MYOM2: variants seen among roughly 807,000 people sequenced by gnomAD.
The protein encoded by MYOM2 is myomesin 2.
In MYOM2, 254 loss-of-function variants were observed where a neutral mutation model predicts 187.6. That is an observed-to-expected ratio of 1.35 (90% CI 1.22 to 1.50). The LOEUF (loss-of-function observed/expected upper bound fraction) is 1.50, where lower values mean the gene tolerates loss of function less well. MYOM2 is among the 40% of genes most tolerant of loss of function. The pLI, the probability that MYOM2 is intolerant of heterozygous loss-of-function variation, is 0.00. For synonymous variants in MYOM2, 981 were observed against 753.8 expected (o/e 1.30, Z -4.94); for missense variants, 2,796 against 1,924.0 (o/e 1.45, Z -8.48).
chr8:2,120,017 G>A (rs1489690239), intron 28 of MYOM2, among the ~76,000 whole-genome samples: 1 of 152,330 alleles, frequency 6.6e-6, no homozygotes, highest in Admixed American at 6.5e-5. Context: ...GGGAGTGGCA[G>A]GAGTGGGCTG....
chr8:2,124,316 T>C, intron 31 of MYOM2, 99 bp downstream of exon 31: 2 of 1,208,404 alleles, frequency 1.7e-6, no homozygotes, highest in South Asian at 2.6e-5. Flanking sequence ...ACCATGGAGC[T>C]GTGGTGCGTG....
At chr8:2,092,653 C>G (rs1563049379) in intron 16 of MYOM2, 133 bp downstream of exon 16, 2 of 884,708 alleles carry the variant, frequency 2.3e-6, no homozygotes, top group Non-Finnish European at 3.3e-6. Context: ...TAGCCACACA[C>G]AAGGGCTGTA....
At chr8:2,128,349 C>G (rs1797728316) in intron 31 of MYOM2, among the ~76,000 whole-genome samples, 2 of 152,240 alleles carry the variant, frequency 1.3e-5, no homozygotes, top group African/African-American at 4.8e-5. Flanking sequence ...CTTTGTTACA[C>G]TATCCTCCAC....
chr8:2,081,492 G>A (rs1480123002), intron 13 of MYOM2, among the ~76,000 whole-genome samples: 1 of 152,244 alleles, frequency 6.6e-6, no homozygotes, highest in Admixed American at 6.5e-5. Context: ...ACAGATCAGG[G>A]AGGAGGTGGG....
At chr8:2,104,598 C>G (rs1337967622) in intron 21 of MYOM2, among the ~76,000 whole-genome samples, 4 of 150,702 alleles carry the variant, frequency 2.7e-5, no homozygotes, top group Admixed American at 6.6e-5. Context: ...GAGCAAGACT[C>G]CATTTAAAAA....
chr8:2,046,163 G>A (rs1460893406), intron 1 of MYOM2, among the ~76,000 whole-genome samples: 1 of 152,184 alleles, frequency 6.6e-6, no homozygotes, highest in East Asian at 1.9e-4. Context: ...ATTTTTAACT[G>A]TACAAACAAT....
rs1818620947 is a variant in MYOM2, at chr8:2,055,131, T to TACCTGGATACTGGGG, written c.264-2216_264-2215insCCTGGATACTGGGGA. On this transcript the variant is annotated intron_variant, in intron 3 of 36. Transcript: ENST00000262113. The stretch of plus-strand genomic sequence containing the variant: ...GTAACCAAGTACCTGGATACTGGGG[T>TACCTGGATACTGGGG]AACCAAGTACCTGGATACTGGGGGA... Among the ~76,000 whole-genome samples the TACCTGGATACTGGGG allele has an allele frequency of 9.0e-5, 2 of 22,204 alleles. 1 individual carries two copies. Among genetic ancestry groups the TACCTGGATACTGGGG allele is most frequent in the Admixed American group, 1.3e-3 (2 of 1,594 alleles). The allele number at this position is 22,204 out of a possible 152,430, so 14.6% of individuals were successfully genotyped here. A position where few individuals can be genotyped will look rare whatever the true frequency, so the allele number is the denominator to read the frequency against.
At chr8:2,066,794 T>TA (rs1179712347) in intron 6 of MYOM2, among the ~76,000 whole-genome samples, 1 of 152,222 alleles carries the variant, frequency 6.6e-6, no homozygotes, top group Non-Finnish European at 1.5e-5. Context: ...ATGGGGTTTT[T>TA]ATGTGTTTTA....
chr8:2,114,101 C>T (rs1418814595), intron 25 of MYOM2, among the ~76,000 whole-genome samples: 1 of 152,184 alleles, frequency 6.6e-6, no homozygotes, highest in South Asian at 2.1e-4. Context: ...CCCTTGGAGC[C>T]AGTCACAAGG....
chr8:2,144,327 AGC>A, intron 36 of MYOM2, among the ~76,000 whole-genome samples: 1 of 152,384 alleles, frequency 6.6e-6, no homozygotes, highest in South Asian at 2.1e-4. Flanking sequence ...GAAATTTGGG[AGC>A]AGACTGGATA....
intron 36 of MYOM2, 102 bp from the exon 37 acceptor site, chr8:2,144,562 A>G: frequency 8.5e-7 from 1 of 1,181,006 alleles, no homozygotes; most frequent in Non-Finnish European, 1.2e-6. Context: ...TTGAAGGACC[A>G]ATAAATGTAA....
intron 6 of MYOM2, among the ~76,000 whole-genome samples, chr8:2,064,260 T>C (rs1014569843): frequency 3.9e-5 from 6 of 152,180 alleles, no homozygotes; most frequent in African/African-American, 7.2e-5. Flanking sequence ...GGCAGGTCTT[T>C]GCGTTTGTTT....
In MYOM2 at chr8:2,059,232, C is replaced by G. The variant is rs756567474; in HGVS notation, c.640C>G (p.Leu214Val). The G allele has an allele frequency of 3.2e-5, 52 of 1,613,996 alleles. No individual in the cohort carries two copies. Among genetic ancestry groups the G allele is most frequent in the Non-Finnish European group, 4.0e-5 (47 of 1,179,984 alleles). Residue 214 changes from leucine (L) to valine (V), a missense_variant, in exon 6 of 37, where the codon CTG becomes GTG. Physicochemically the swap from Leu to Val is conservative, Grantham distance 32. Coordinates refer to ENST00000262113, the MANE Select transcript of MYOM2 (RefSeq NM_003970.4). ...TGAGAGCAACTATGGCGTACACACA[C>G]TGGAGATCAACAGGTATGGCTGTGG... ...RIESNYGVHT[L>V]EINRADFDDT...
At chr8:2,089,927 C>T in intron 14 of MYOM2, 81 bp from the exon 15 acceptor site, 6 of 1,388,516 alleles carry the variant, frequency 4.3e-6, no homozygotes, top group Non-Finnish European at 6.0e-6. Context: ...ATAGCGAGAA[C>T]AGAGCATTTC....
chr8:2,098,983 G>T lies in MYOM2; in HGVS notation c.2440G>T (p.Gly814Cys), dbSNP rs373951587. 3.1e-6 allele frequency: 5 copies of T among 1,600,490 alleles called. No individual in the cohort carries two copies. In the East Asian group the frequency reaches 1.1e-4, roughly 36 times the overall value. ...KCEAWTMPEP[G>C]PAYDLTFCEV... Reference sequence around the variant, plus strand: ...TGAGGCCTGGACCATGCCGGAGCCCGGTGAGTCGCTGCCCCCAGGACACCC... The same window carrying T: ...TGAGGCCTGGACCATGCCGGAGCCCTGTGAGTCGCTGCCCCCAGGACACCC... The change falls in exon 19 of 37, where the codon GGT becomes TGT. Residue 814 changes from glycine (G) to cysteine (C), a missense_variant and splice_region_variant. By Grantham distance (159) the Gly-to-Cys change is radical. Coordinates refer to ENST00000262113, the MANE Select transcript of MYOM2 (RefSeq NM_003970.4).
At position 2,141,149 on chromosome 8, in the gene MYOM2, G is replaced by T. The variant is rs1363286315; in HGVS notation, c.3973G>T (p.Glu1325Ter). ...GAACTATTTCCTCACAGCTTTTGAT[G>T]AAGCATTTGCAGAATTCCAGCAATT... The part of the protein sequence containing the change: ...SLDLSGQAFD[E>*]AFAEFQQFKA... The change falls in exon 34 of 37, where the codon GAA becomes TAA. Residue 1325 changes from glutamate to a stop codon, truncating the protein, a stop_gained. Coordinates refer to ENST00000262113, the MANE Select transcript of MYOM2 (RefSeq NM_003970.4). LOFTEE classifies it high-confidence loss of function. 1.2e-6 allele frequency: 2 copies of T among 1,611,928 alleles called. No homozygotes were observed. Among genetic ancestry groups the T allele is most frequent in the East Asian group, 4.5e-5 (2 of 44,866 alleles).
chr8:2,059,093 A>G, intron 5 of MYOM2, 60 bp from the exon 6 acceptor site: 2 of 1,454,254 alleles, frequency 1.4e-6, no homozygotes, highest in Admixed American at 3.4e-5. Context: ...CTGGGGCAGA[A>G]TTGCACACAC....
intron 5 of MYOM2, 124 bp from the exon 6 acceptor site, chr8:2,059,029 C>G (rs1176043652): frequency 1.3e-6 from 1 of 746,726 alleles, no homozygotes; most frequent in Non-Finnish European, 2.3e-6. Context: ...CTGTCCTCCT[C>G]CCGCCTGAGG....
chr8:2,074,488 T>C (rs1415238733), intron 10 of MYOM2, among the ~76,000 whole-genome samples: 1 of 152,078 alleles, frequency 6.6e-6, no homozygotes, highest in Non-Finnish European at 1.5e-5. Flanking sequence ...GGATTAACAC[T>C]CTGTCGCCCA....
Sources: allele counts gnomAD v4.1 joint callset (sites outside exome capture counted in the v4.1 genomes callset), GRCh38; gene constraint gnomAD v4.1.1; transcripts MANE v1.5; gene names NCBI Gene and HGNC (gene_info 2026-07-23, HGNC 2026-07-21).